Variants in ITPR2 observed in about 807,000 individuals in gnomAD.
ITPR2 encodes inositol 1,4,5-trisphosphate receptor type 2, also known as inositol 1,4,5-trisphosphate-gated calcium channel ITPR2.
ITPR2 carries 207 observed loss-of-function variants against 317.1 expected under a neutral mutation model. That is an observed-to-expected ratio of 0.65 (90% CI 0.58 to 0.73). The LOEUF (loss-of-function observed/expected upper bound fraction) is 0.73, where lower values mean the gene tolerates loss of function less well. Among genes scored for constraint, ITPR2 ranks in the 30% least tolerant of loss-of-function variants. The probability of loss-of-function intolerance (pLI) is 0.00; values close to 1 mark genes in which losing one functional copy is unlikely to be tolerated. For missense variants in ITPR2, 2,613 were observed against 3,284.0 expected, an observed-to-expected ratio of 0.80 and a Z score of 4.99; for synonymous variants, 1,156 against 1,149.1, an observed-to-expected ratio of 1.01 and a Z score of -0.12.
chr12:26,662,718 G>A (rs1947530123), intron 15 of ITPR2, among the ~76,000 whole-genome samples: 1 of 152,132 alleles, frequency 6.6e-6, no homozygotes, highest in Non-Finnish European at 1.5e-5. Context: ...TGTTGCTCAG[G>A]CTGGAGTGTA....
chr12:26,627,702 C>T (rs1245616096), intron 23 of ITPR2, among the ~76,000 whole-genome samples: 1 of 152,032 alleles, frequency 6.6e-6, no homozygotes, highest in African/African-American at 2.4e-5. Context: ...TGTTCTCATT[C>T]ATAAGTGGGA....
intron 52 of ITPR2, among the ~76,000 whole-genome samples, chr12:26,409,465 C>T (rs1462141539): frequency 1.3e-5 from 2 of 152,182 alleles, no homozygotes; most frequent in Non-Finnish European, 2.9e-5. Flanking sequence ...TAGTGCTTAG[C>T]ACTGCATTGC....
chr12:26,626,403 G>A (rs1591976038), intron 23 of ITPR2, among the ~76,000 whole-genome samples: 2 of 152,346 alleles, frequency 1.3e-5, no homozygotes, highest in African/African-American at 2.4e-5. Flanking sequence ...AAAGGAAAGA[G>A]ATCAGGTAGA....
At chr12:26,723,613 C>T (rs1948871831) in intron 4 of ITPR2, among the ~76,000 whole-genome samples, 1 of 152,178 alleles carries the variant, frequency 6.6e-6, no homozygotes, top group African/African-American at 2.4e-5. Flanking sequence ...GAGCTGCCGA[C>T]CCAGCTTCTC....
At chr12:26,390,732 TA>T (rs1363618140) in intron 54 of ITPR2, among the ~76,000 whole-genome samples, 2 of 152,182 alleles carry the variant, frequency 1.3e-5, no homozygotes, top group Non-Finnish European at 2.9e-5. Context: ...GGGTGAATTA[TA>T]TGATGTGTGA....
intron 56 of ITPR2, 29 bp downstream of exon 56, chr12:26,340,138 C>T (rs368577591): frequency 2.2e-5 from 34 of 1,568,614 alleles, no homozygotes; most frequent in Non-Finnish European, 2.9e-5. Flanking sequence ...CTTTATCCCA[C>T]CCAGCCCCAT....
chr12:26,639,802 A>C (rs955292287), intron 21 of ITPR2, among the ~76,000 whole-genome samples: 7 of 151,758 alleles, frequency 4.6e-5, no homozygotes, highest in Non-Finnish European at 7.4e-5. Context: ...ACATGAACTC[A>C]TCATTTTTTA....
At chr12:26,608,802 A>AG (rs34263502) in intron 26 of ITPR2, among the ~76,000 whole-genome samples, 22,658 of 148,980 alleles carry the variant, frequency 0.15, 2,034 homozygotes, top group Admixed American at 0.2. Flanking sequence ...AAAAAAAAAA[A>AG]AACACATCAG....
intron 45 of ITPR2, among the ~76,000 whole-genome samples, chr12:26,459,828 G>A (rs948556681): frequency 6.6e-6 from 1 of 152,156 alleles, no homozygotes; most frequent in African/African-American, 2.4e-5. Flanking sequence ...TCCCTTCTGA[G>A]AATCAAGGAC....
rs558078221 is a variant in ITPR2 at position 26,533,206 on chromosome 12, T to C, written c.5073+17041A>G. The stretch of plus-strand genomic sequence containing the variant: ...TCTTGGAACCAGTCTATATGATGTT[T>C]TGACTTTCTGCTAAAAAACCTATGT... On this transcript the variant is annotated intron_variant, in intron 37 of 56. Transcript: ENST00000381340. Among the ~76,000 whole-genome samples, 16 of 152,338 alleles carry C rather than the reference T, an allele frequency of 1.1e-4. 1 individual carries two copies. The East Asian group carries it at 2.9e-3, about 28-fold the overall frequency.
chr12:26,648,510 CTT>C (rs34607660), intron 21 of ITPR2, among the ~76,000 whole-genome samples: 65 of 131,288 alleles, frequency 5.0e-4, no homozygotes, highest in Non-Finnish European at 6.5e-4. Context: ...AAACCACTTT[CTT>C]TTTTTTTTTT....
At chr12:26,830,540 G>C (rs1951084491) in intron 1 of ITPR2, among the ~76,000 whole-genome samples, 1 of 152,110 alleles carries the variant, frequency 6.6e-6, no homozygotes, top group African/African-American at 2.4e-5. Flanking sequence ...CTGTTTCCTG[G>C]GTTAGTCACT....
At chr12:26,352,527 C>T (rs7299923) in intron 55 of ITPR2, among the ~76,000 whole-genome samples, 148,619 of 152,324 alleles carry the variant, frequency 0.98, 72,619 homozygotes, top group Non-Finnish European at 1. Context: ...TTGTTTGCAA[C>T]ATAGAACCAC....
rs1307841330 is a variant in ITPR2, at chr12:26,831,685, T to TAA, written c.92+1004_92+1005insTT. 6.9e-6 allele frequency among the ~76,000 whole-genome samples: 1 copy of TAA among 144,306 alleles called. No individual in the cohort carries two copies. Among genetic ancestry groups the TAA allele is most frequent in the East Asian group, 2.0e-4 (1 of 5,048 alleles). The allele number at this position is 144,306 out of a possible 152,430, so 94.7% of individuals were successfully genotyped here. On this transcript the variant is annotated intron_variant, in intron 1 of 56. Transcript: ENST00000381340. This position sits in a 1 kb window ranked among gnomAD's most constrained non-coding sequence, Gnocchi z 4.9. ...GCACACTGTTTTATATATAAATATA[T>TAA]ATATATATTCTACATAAAATATATA...
At chr12:26,758,121 T>C (rs1430316145) in intron 2 of ITPR2, among the ~76,000 whole-genome samples, 1 of 152,204 alleles carries the variant, frequency 6.6e-6, no homozygotes, top group Non-Finnish European at 1.5e-5. Context: ...TATCTCTCAA[T>C]CTCACCAGAG....
In ITPR2 at chr12:26,737,027, G is replaced by T. The variant is rs532378251; in HGVS notation, c.164-11262C>A. Reference sequence around the variant, plus strand: ...AAACTTCTACATGTAAACGAGGGAGGAAAGTTTTTCCCTATATTGATCCAG... The same window carrying T: ...AAACTTCTACATGTAAACGAGGGAGTAAAGTTTTTCCCTATATTGATCCAG... On this transcript the variant is annotated intron_variant, in intron 2 of 56. Transcript: ENST00000381340. Among the ~76,000 whole-genome samples, 26 of 152,118 alleles carry T rather than the reference G, an allele frequency of 1.7e-4. 1 individual carries two copies. The highest frequency in any genetic ancestry group is 8.8e-5 in the Non-Finnish European group (6 of 68,034).
chr12:26,775,961 C>CATATATATATATA (rs1555189746), intron 2 of ITPR2, among the ~76,000 whole-genome samples: 11 of 65,692 alleles, frequency 1.7e-4, no homozygotes, highest in East Asian at 9.1e-4. Context: ...TATGTATATC[C>CATATATATATATA]TATTAGTTCT....
chr12:26,744,255 C>T (rs1462143718), intron 2 of ITPR2, among the ~76,000 whole-genome samples: 1 of 152,214 alleles, frequency 6.6e-6, no homozygotes, highest in East Asian at 1.9e-4. Flanking sequence ...GTGACCAGCC[C>T]GACCTCCCCA....
intron 36 of ITPR2, among the ~76,000 whole-genome samples, chr12:26,550,981 A>G (rs568302764): frequency 2.0e-5 from 3 of 152,324 alleles, no homozygotes; most frequent in South Asian, 2.1e-4. Flanking sequence ...ATTTTCATCA[A>G]GTGGTACACT....
Sources: allele counts gnomAD v4.1 joint callset (sites outside exome capture counted in the v4.1 genomes callset), GRCh38; gene constraint gnomAD v4.1.1; non-coding constraint Gnocchi (gnomAD v3.1); transcripts MANE v1.5; gene names NCBI Gene and HGNC (gene_info 2026-07-23, HGNC 2026-07-21).